COL19A1: variants seen among roughly 807,000 people sequenced by gnomAD.
COL19A1 encodes collagen alpha-1(XIX) chain.
A neutral mutation model predicts 190.2 loss-of-function variants in COL19A1; 159 were observed. The ratio of observed to expected loss-of-function variants is 0.84; its 90% CI spans 0.73 to 0.95. COL19A1 has a LOEUF of 0.95. Among genes scored for constraint, COL19A1 ranks in the 40% least tolerant of loss-of-function variants. COL19A1 has a pLI of 0.00. For missense variants in COL19A1, 1,418 were observed against 1,431.9 expected, an observed-to-expected ratio of 0.99 and a Z score of 0.16; for synonymous variants, 509 against 458.9, an observed-to-expected ratio of 1.11 and a Z score of -1.39.
chr6:69,973,305 A>G (rs1334335478), intron 11 of COL19A1, among the ~76,000 whole-genome samples: 2 of 152,166 alleles, frequency 1.3e-5, no homozygotes, highest in Non-Finnish European at 1.5e-5. Context: ...CATAGACTCC[A>G]CTTCCTCTGC....
At position 70,142,818 on chromosome 6, in the gene COL19A1, G is replaced by A; in HGVS notation, c.1624G>A (p.Val542Ile). ...GGGACCCAGAGGACCGCCAGGAGATGTTGTATGTATAATGTCTTTGATATT... is the reference window on the plus strand; with the variant it reads ...GGGACCCAGAGGACCGCCAGGAGATATTGTATGTATAATGTCTTTGATATT... The part of the protein sequence containing the change: ...SMGPRGPPGD[V>I]GLPGEHGIPG... Residue 542 changes from valine (V) to isoleucine (I), a missense_variant and splice_region_variant, in exon 23 of 51, where the codon GTT (valine) becomes ATT (isoleucine). Coordinates refer to ENST00000620364, the MANE Select transcript of COL19A1 (RefSeq NM_001858.6). 6.2e-7 allele frequency: 1 copy of A among 1,611,930 alleles called. No individual in the cohort carries two copies.
At chr6:70,101,858 G>T (rs1783650878) in intron 15 of COL19A1, among the ~76,000 whole-genome samples, 1 of 152,092 alleles carries the variant, frequency 6.6e-6, no homozygotes, top group African/African-American at 2.4e-5. Flanking sequence ...AGAATCATCA[G>T]ATAAAATACC....
At chr6:70,040,464 T>C (rs1203915748) in intron 14 of COL19A1, among the ~76,000 whole-genome samples, 2 of 152,220 alleles carry the variant, frequency 1.3e-5, no homozygotes, top group African/African-American at 4.8e-5. Context: ...CAGTGACCAG[T>C]GCTTCCTCAC....
chr6:70,207,368 T>C lies in COL19A1; in HGVS notation c.*94T>C. On this transcript the variant is annotated 3_prime_UTR_variant, in exon 51 of 51. Transcript: ENST00000620364. The stretch of plus-strand genomic sequence containing the variant: ...ACCCTCATCATCTGTGGGTTGCTTT[T>C]TTTTTTTTTTTTTTTTTTTGGGAGT... The C allele has an allele frequency of 2.0e-6, 2 of 980,352 alleles. No homozygotes were observed. Among genetic ancestry groups the C allele is most frequent in the East Asian group, 3.9e-5 (1 of 25,886 alleles). The allele number at this position is 980,352 out of a possible 1,614,324, so 60.7% of individuals were successfully genotyped here.
At chr6:70,129,827 T>C (rs1785413145) in intron 17 of COL19A1, among the ~76,000 whole-genome samples, 1 of 152,148 alleles carries the variant, frequency 6.6e-6, no homozygotes, top group African/African-American at 2.4e-5. Flanking sequence ...GACTTGAGAA[T>C]AGGGAGAGCA....
chr6:70,177,824 GT>G (rs1288242836), intron 42 of COL19A1, among the ~76,000 whole-genome samples: 10 of 152,206 alleles, frequency 6.6e-5, no homozygotes, highest in African/African-American at 9.6e-5. Context: ...ATAAAGTCTA[GT>G]TTTTTTCATT....
chr6:70,058,390 G>A (rs1385065807), intron 14 of COL19A1, among the ~76,000 whole-genome samples: 1 of 151,970 alleles, frequency 6.6e-6, no homozygotes, highest in African/African-American at 2.4e-5. Flanking sequence ...TACTACAATT[G>A]GTAATGATTG....
intron 4 of COL19A1, among the ~76,000 whole-genome samples, chr6:69,921,129 TA>T (rs1395741555): frequency 2.5e-4 from 30 of 120,210 alleles, no homozygotes; most frequent in African/African-American, 8.3e-4. Context: ...ATCACATATG[TA>T]TCACATATAT....
intron 14 of COL19A1, among the ~76,000 whole-genome samples, chr6:70,065,214 A>G (rs1197862109): frequency 6.6e-6 from 1 of 152,204 alleles, no homozygotes; most frequent in Non-Finnish European, 1.5e-5. Flanking sequence ...ACTCTACTAC[A>G]AGGCTACAGT....
At chr6:69,872,170 A>T (rs974133458) in intron 1 of COL19A1, among the ~76,000 whole-genome samples, 14 of 151,778 alleles carry the variant, frequency 9.2e-5, no homozygotes, top group Admixed American at 8.5e-4. Context: ...TTTGTTTTTC[A>T]TTTTAACTCT....
intron 49 of COL19A1, among the ~76,000 whole-genome samples, chr6:70,200,322 T>A (rs1436298924): frequency 6.6e-6 from 1 of 152,242 alleles, no homozygotes; most frequent in Non-Finnish European, 1.5e-5. Context: ...GTTCCACTTA[T>A]GACAACTTGA....
intron 14 of COL19A1, among the ~76,000 whole-genome samples, chr6:70,063,907 C>G (rs1781006227): frequency 6.6e-6 from 1 of 152,118 alleles, no homozygotes; most frequent in Non-Finnish European, 1.5e-5. Flanking sequence ...GACACATACA[C>G]CCTCCCAAGA....
intron 48 of COL19A1, among the ~76,000 whole-genome samples, chr6:70,196,960 A>C (rs1767236463): frequency 6.6e-6 from 1 of 152,214 alleles, no homozygotes; most frequent in South Asian, 2.1e-4. Context: ...TTTCAAAGCC[A>C]GATAATTTAC....
intron 8 of COL19A1, 48 bp downstream of exon 8, chr6:69,936,958 A>T (rs758437953): frequency 6.3e-7 from 1 of 1,595,822 alleles, no homozygotes; most frequent in Non-Finnish European, 8.6e-7. Context: ...CCAGACTATG[A>T]GCCCAGCTCC....
chr6:70,070,695 C>T (rs1032701881), intron 15 of COL19A1, among the ~76,000 whole-genome samples: 1 of 152,066 alleles, frequency 6.6e-6, no homozygotes. Context: ...CTGAGTGCCA[C>T]CATTTCTTCT....
At chr6:70,033,666 A>G (rs1050865576) in intron 12 of COL19A1, among the ~76,000 whole-genome samples, 1 of 152,146 alleles carries the variant, frequency 6.6e-6, no homozygotes, top group South Asian at 2.1e-4. Flanking sequence ...TATGTCATAT[A>G]TAGTTTCATT....
chr6:70,025,966 G>T (rs1778711775), intron 12 of COL19A1, among the ~76,000 whole-genome samples: 1 of 152,168 alleles, frequency 6.6e-6, no homozygotes, highest in African/African-American at 2.4e-5. Context: ...TAACTTGTGA[G>T]AAATGTAGGA....
chr6:70,150,155 T>C, intron 30 of COL19A1, 110 bp downstream of exon 30: 1 of 1,113,468 alleles, frequency 9.0e-7, no homozygotes, highest in Non-Finnish European at 1.4e-6. Context: ...CGGTGACTGC[T>C]TGGTGATTTT....
chr6:69,870,662 G>A (rs1420430322), intron 1 of COL19A1, among the ~76,000 whole-genome samples: 1 of 152,176 alleles, frequency 6.6e-6, no homozygotes, highest in East Asian at 1.9e-4. Context: ...GCAATGAAGA[G>A]CCACCAGAAA....
Sources: allele counts gnomAD v4.1 joint callset (sites outside exome capture counted in the v4.1 genomes callset), GRCh38; gene constraint gnomAD v4.1.1; transcripts MANE v1.5; gene names NCBI Gene and HGNC (gene_info 2026-07-23, HGNC 2026-07-21).